Variants in RSRC1 observed in about 807,000 individuals in gnomAD.
The protein encoded by RSRC1 is arginine and serine rich coiled-coil 1, also known as serine/Arginine-related protein 53.
In RSRC1, 39 loss-of-function variants were observed where a neutral mutation model predicts 49.1. The observed-to-expected ratio is 0.79, with a 90% CI of 0.61 to 1.04. RSRC1 has a LOEUF of 1.04. RSRC1 is among the 50% of genes least tolerant of loss of function. The pLI is 0.00. For synonymous variants in RSRC1, 143 were observed against 130.8 expected (o/e 1.09, Z -0.63); for missense variants, 388 against 402.4 (o/e 0.96, Z 0.31).
At chr3:158,526,032 AATT>A (rs1712004116) in intron 7 of RSRC1, among the ~76,000 whole-genome samples, 2 of 152,018 alleles carry the variant, frequency 1.3e-5, no homozygotes, top group South Asian at 4.1e-4. Context: ...GTTATAGATA[AATT>A]ATACTTCAGT....
At chr3:158,389,237 T>C (rs1019723333) in intron 6 of RSRC1, among the ~76,000 whole-genome samples, 7 of 152,188 alleles carry the variant, frequency 4.6e-5, no homozygotes, top group African/African-American at 1.7e-4. Flanking sequence ...TTTTCTGTAG[T>C]TTTACCATAA....
At chr3:158,535,924 A>G (rs891129139) in intron 7 of RSRC1, among the ~76,000 whole-genome samples, 1 of 151,518 alleles carries the variant, frequency 6.6e-6, no homozygotes, top group South Asian at 2.1e-4. Context: ...TAATGAGGAA[A>G]TGTTCATTAT....
At chr3:158,445,256 G>A (rs374128886) in intron 6 of RSRC1, among the ~76,000 whole-genome samples, 7 of 152,094 alleles carry the variant, frequency 4.6e-5, no homozygotes, top group East Asian at 1.9e-4. Flanking sequence ...AACAAACCCA[G>A]ATGTCCATCA....
chr3:158,419,168 A>T (rs1000796234), intron 6 of RSRC1, among the ~76,000 whole-genome samples: 1 of 152,032 alleles, frequency 6.6e-6, no homozygotes, highest in African/African-American at 2.4e-5. Context: ...CAATTGTTAG[A>T]GTGTAAGTAT....
intron 4 of RSRC1, among the ~76,000 whole-genome samples, chr3:158,265,874 T>C (rs946691177): frequency 5.9e-5 from 9 of 152,188 alleles, no homozygotes; most frequent in African/African-American, 2.2e-4. Flanking sequence ...TTTTGACTTA[T>C]GATGTGAGGT....
chr3:158,159,695 T>C (rs1195783816), intron 3 of RSRC1, among the ~76,000 whole-genome samples: 2 of 152,286 alleles, frequency 1.3e-5, no homozygotes, highest in African/African-American at 4.8e-5. Context: ...AAAGCTTACA[T>C]AGAGCTCACT....
chr3:158,533,817 C>T (rs548567214), intron 7 of RSRC1, among the ~76,000 whole-genome samples: 200 of 151,686 alleles, frequency 1.3e-3, no homozygotes, highest in Non-Finnish European at 2.3e-3. Context: ...CCCATTATGA[C>T]TTTCCTTTGC....
At chr3:158,163,279 T>C (rs1375622512) in intron 3 of RSRC1, among the ~76,000 whole-genome samples, 3 of 152,210 alleles carry the variant, frequency 2.0e-5, no homozygotes, top group Non-Finnish European at 2.9e-5. Context: ...ATGCTGGCAT[T>C]ACTGGGGTGA....
At chr3:158,341,948 C>G (rs576088601) in intron 5 of RSRC1, among the ~76,000 whole-genome samples, 10 of 152,356 alleles carry the variant, frequency 6.6e-5, no homozygotes, top group Admixed American at 6.5e-4. Context: ...TAAAGTTTGA[C>G]TGCCCCACTG....
In RSRC1 at chr3:158,243,024, C is replaced by G. The variant is rs199690144; in HGVS notation, c.494+39779C>G. Among the ~76,000 whole-genome samples the G allele has an allele frequency of 2.6e-5, 4 of 152,216 alleles. No individual in the cohort carries two copies. In the East Asian group the frequency reaches 7.7e-4, roughly 29 times the overall value. On this transcript the variant is annotated intron_variant, in intron 4 of 9. Coordinates refer to ENST00000611884, the MANE Select transcript of RSRC1 (RefSeq NM_001271838.2). The stretch of plus-strand genomic sequence containing the variant: ...TGTCTGTTTACTCTGATGACAATTT[C>G]TTTTGCGTGGAGAAGCTCTTTAGTT...
chr3:158,345,606 C>T (rs997188173), intron 5 of RSRC1, among the ~76,000 whole-genome samples: 2 of 151,772 alleles, frequency 1.3e-5, no homozygotes, highest in Non-Finnish European at 2.9e-5. Context: ...ATTAGAAGAG[C>T]CAAAACTGCA....
rs185936458 is a variant in RSRC1 at position 158,439,048 on chromosome 3, A to C, written c.584-21887A>C. Among the ~76,000 whole-genome samples the C allele has an allele frequency of 3.9e-5, 6 of 152,154 alleles. No homozygotes were observed. The East Asian group carries it at 5.8e-4, about 15-fold the overall frequency. On this transcript the variant is annotated intron_variant, in intron 6 of 9. Coordinates refer to ENST00000611884, the MANE Select transcript of RSRC1 (RefSeq NM_001271838.2). ...CAAAAGAAGACATTTATGCAGCCAA[A>C]AGACACATGAAAAAATGCTCATCAT...
intron 4 of RSRC1, among the ~76,000 whole-genome samples, chr3:158,284,763 G>T (rs1350507685): frequency 5.3e-5 from 8 of 151,768 alleles, no homozygotes; most frequent in African/African-American, 1.9e-4. Context: ...TTGTGAATTT[G>T]TTTGAGTTCA....
rs981318091 is a variant in RSRC1, at chr3:158,458,132, G to T, written c.584-2803G>T. ...AGGGAGTGTGGGGAGTTGGTATGGGGTTATTGCCATTTGTAGTAAAGACAG... is the reference window on the plus strand; with the variant it reads ...AGGGAGTGTGGGGAGTTGGTATGGGTTTATTGCCATTTGTAGTAAAGACAG... On this transcript the variant is annotated intron_variant, in intron 6 of 9. Transcript: ENST00000611884. 2.0e-5 allele frequency among the ~76,000 whole-genome samples: 3 copies of T among 152,180 alleles called. No individual in the cohort carries two copies. The South Asian group carries it at 6.2e-4, about 32-fold the overall frequency.
At chr3:158,349,550 A>T (rs1730744086) in intron 5 of RSRC1, among the ~76,000 whole-genome samples, 1 of 123,196 alleles carries the variant, frequency 8.1e-6, no homozygotes, top group South Asian at 3.3e-4. Context: ...CAAATTTCTA[A>T]CAGCATTACA....
intron 6 of RSRC1, among the ~76,000 whole-genome samples, chr3:158,398,485 A>G (rs544324291): frequency 7.9e-5 from 12 of 152,202 alleles, no homozygotes; most frequent in African/African-American, 2.9e-4. Flanking sequence ...TAGCTCTTTT[A>G]TGAGGCACGA....
At chr3:158,356,638 T>A (rs950198969) in intron 6 of RSRC1, among the ~76,000 whole-genome samples, 1 of 152,080 alleles carries the variant, frequency 6.6e-6, no homozygotes, top group Admixed American at 6.5e-5. Context: ...GTAGGATAAA[T>A]CTAATTAATT....
At position 158,153,752 on chromosome 3, in the gene RSRC1, A is replaced by G. The variant is rs143443541; in HGVS notation, c.320+29761A>G. Among the ~76,000 whole-genome samples, 194 of 152,314 alleles carry G rather than the reference A, an allele frequency of 1.3e-3. 1 individual carries two copies. Among genetic ancestry groups the G allele is most frequent in the Non-Finnish European group, 2.0e-3 (135 of 68,022 alleles). ...TAATTATGTTCACTGTGTCGAACCTATACTGTAAAGTTTGTGAACCAAGAT... is the reference window on the plus strand; with the variant it reads ...TAATTATGTTCACTGTGTCGAACCTGTACTGTAAAGTTTGTGAACCAAGAT... On this transcript the variant is annotated intron_variant, in intron 3 of 9. Transcript: ENST00000611884.
chr3:158,202,666 T>C (rs1258796135), intron 3 of RSRC1, among the ~76,000 whole-genome samples: 1 of 149,832 alleles, frequency 6.7e-6, no homozygotes, highest in Admixed American at 6.7e-5. Context: ...AATAGCTGGA[T>C]TGGAGTGGAT....
Sources: allele counts gnomAD v4.1 joint callset (sites outside exome capture counted in the v4.1 genomes callset), GRCh38; gene constraint gnomAD v4.1.1; transcripts MANE v1.5; gene names NCBI Gene and HGNC (gene_info 2026-07-23, HGNC 2026-07-21).